Variants in SDC1 observed in about 807,000 individuals in gnomAD.
SDC1 encodes syndecan-1.
In SDC1, 14 loss-of-function variants were observed where a neutral mutation model predicts 29.7. That is an observed-to-expected ratio of 0.47 (90% confidence interval 0.31 to 0.74). The LOEUF is 0.74. SDC1 is among the 30% of genes least tolerant of loss of function. The pLI is 0.05. For missense variants in SDC1, 406 were observed against 400.3 expected (o/e 1.01, Z -0.12); for synonymous variants, 204 against 175.5 (o/e 1.16, Z -1.29).
chr2:20,224,094 C>T lies in SDC1; in HGVS notation c.66+708G>A. The T allele has an allele frequency of 5.4e-6, 2 of 370,586 alleles. No individual in the cohort carries two copies. The highest frequency in any genetic ancestry group is 1.1e-5 in the Non-Finnish European group (2 of 182,080). The allele number at this position is 370,586 out of a possible 1,614,324, so 23.0% of individuals were successfully genotyped here. On this transcript the variant is annotated intron_variant, in intron 1 of 4. Transcript: ENST00000254351. The surrounding 1 kb of genome is among the most constrained non-coding windows in gnomAD (Gnocchi z 4.9). ...ACGGGAACGCGCCCTCCGGGGCCAG[C>T]TCAACTTCAGCAGCCCAGAAGTTGG...
In SDC1 at chr2:20,224,579, C is replaced by A. The variant is rs976291411; in HGVS notation, c.66+223G>T. ...ATAATTGAGCGCGGGGCCCCGGCCCCCCACCCTCCCCAGCGCGGGACCGGT... is the reference window on the plus strand; with the variant it reads ...ATAATTGAGCGCGGGGCCCCGGCCCACCACCCTCCCCAGCGCGGGACCGGT... On this transcript the variant is annotated intron_variant, in intron 1 of 4. Transcript: ENST00000254351. This position sits in a 1 kb window ranked among gnomAD's most constrained non-coding sequence, Gnocchi z 4.9. 3.3e-5 allele frequency among the ~76,000 whole-genome samples: 5 copies of A among 151,820 alleles called. No homozygotes were observed. Among genetic ancestry groups the A allele is most frequent in the African/African-American group, 1.2e-4 (5 of 41,398 alleles).
chr2:20,221,124 G>A (rs991998202), intron 1 of SDC1, among the ~76,000 whole-genome samples: 2 of 152,194 alleles, frequency 1.3e-5, no homozygotes, highest in African/African-American at 4.8e-5. Flanking sequence ...AGGTAGAGGG[G>A]AGACTGCAAC....
intron 1 of SDC1, chr2:20,223,400 GTGCCCACCCCGCCCCCGCCCCTTCCC>G: frequency 2.8e-6 from 2 of 709,166 alleles, no homozygotes; most frequent in Admixed American, 2.6e-5. Context: ...GAGAACCCGA[GTGCCCACCCCGCCCCCGCCCCTTCCC>G]TGCCCACGTG....
chr2:20,213,275 C>A (rs556216907), intron 1 of SDC1, among the ~76,000 whole-genome samples: 2 of 152,330 alleles, frequency 1.3e-5, no homozygotes, highest in East Asian at 3.9e-4. Context: ...CTCTGCTTTC[C>A]CCCCCTGGCA....
intron 1 of SDC1, among the ~76,000 whole-genome samples, chr2:20,219,520 T>G (rs1169971906): frequency 6.6e-6 from 1 of 152,168 alleles, no homozygotes; most frequent in East Asian, 1.9e-4. Flanking sequence ...CATACCTCCT[T>G]GTGGTGAGGG....
In SDC1 at chr2:20,202,707, G is replaced by A. The variant is rs953218653; in HGVS notation, c.*59C>T. On this transcript the variant is annotated 3_prime_UTR_variant, in exon 5 of 5. Coordinates refer to ENST00000254351, the MANE Select transcript of SDC1 (RefSeq NM_002997.5). Reference sequence around the variant, plus strand: ...GAGGCCAGGGCCTGCAGTTCTTCAAGGAAGAGGCAAGTGGGGGCCTAGTGA... The same window carrying A: ...GAGGCCAGGGCCTGCAGTTCTTCAAAGAAGAGGCAAGTGGGGGCCTAGTGA... 6 of 1,503,488 alleles carry A rather than the reference G, an allele frequency of 4.0e-6. No homozygotes were observed. The highest frequency in any genetic ancestry group is 5.4e-6 in the Non-Finnish European group (6 of 1,113,922). The allele number at this position is 1,503,488 out of a possible 1,614,324, so 93.1% of individuals were successfully genotyped here.
intron 1 of SDC1, among the ~76,000 whole-genome samples, chr2:20,214,405 T>C (rs1677569983): frequency 6.6e-6 from 1 of 151,938 alleles, no homozygotes; most frequent in African/African-American, 2.4e-5. Flanking sequence ...CCCTTCTGGT[T>C]TGGGGGATGG....
chr2:20,202,652 G>T lies in SDC1; in HGVS notation c.*114C>A. On this transcript the variant is annotated 3_prime_UTR_variant, in exon 5 of 5. Coordinates refer to ENST00000254351, the MANE Select transcript of SDC1 (RefSeq NM_002997.5). ...TGGGCAGGAGCGACCAGAGGGGCTG[G>T]AATGCTGGGGAGGTGGCCTGGTGGC... 1 of 1,035,440 alleles carries T rather than the reference G, an allele frequency of 9.7e-7. No individual in the cohort carries two copies. Among genetic ancestry groups the T allele is most frequent in the Non-Finnish European group, 1.4e-6 (1 of 700,732 alleles). 64.1% of individuals were successfully genotyped at this position (1,035,440 alleles called of 1,614,324 possible).
chr2:20,208,939 T>C (rs1178463527), intron 1 of SDC1, among the ~76,000 whole-genome samples: 1 of 152,184 alleles, frequency 6.6e-6, no homozygotes, highest in Non-Finnish European at 1.5e-5. Context: ...GCCTTGCCCC[T>C]TCCCCACCCA....
chr2:20,224,930 G>C lies in SDC1; in HGVS notation c.-63C>G. Reference sequence around the variant, plus strand: ...CGGGTCGCGGCTGCGGGCCGGCTTCGCGGGTTCCGCTGCTCGATGCTCTCT... The same window carrying C: ...CGGGTCGCGGCTGCGGGCCGGCTTCCCGGGTTCCGCTGCTCGATGCTCTCT... On this transcript the variant is annotated 5_prime_UTR_variant, in exon 1 of 5. Coordinates refer to ENST00000254351, the MANE Select transcript of SDC1 (RefSeq NM_002997.5). This position sits in a 1 kb window ranked among gnomAD's most constrained non-coding sequence, Gnocchi z 4.9. 8.3e-7 allele frequency: 1 copy of C among 1,201,138 alleles called. No individual in the cohort carries two copies. Among genetic ancestry groups the C allele is most frequent in the Middle Eastern group, 3.3e-4 (1 of 3,020 alleles). 74.4% of individuals were successfully genotyped at this position (1,201,138 alleles called of 1,614,324 possible).
chr2:20,217,530 A>G (rs926798070), intron 1 of SDC1, among the ~76,000 whole-genome samples: 2 of 152,012 alleles, frequency 1.3e-5, no homozygotes, highest in African/African-American at 4.8e-5. Flanking sequence ...CCTTCCCCCT[A>G]TGTCACAGAT....
intron 1 of SDC1, among the ~76,000 whole-genome samples, chr2:20,218,632 AAC>A: frequency 6.9e-6 from 1 of 145,390 alleles, no homozygotes; most frequent in African/African-American, 2.7e-5. Flanking sequence ...CAGACACATA[AAC>A]ACACAGACAC....
intron 1 of SDC1, among the ~76,000 whole-genome samples, chr2:20,213,780 G>T (rs1677546361): frequency 6.6e-6 from 1 of 152,200 alleles, no homozygotes; most frequent in Non-Finnish European, 1.5e-5. Context: ...GGACTTCTAG[G>T]GACATCCTCC....
intron 1 of SDC1, among the ~76,000 whole-genome samples, chr2:20,218,113 C>A (rs1458386167): frequency 6.6e-6 from 1 of 152,236 alleles, no homozygotes. Context: ...AGGATAAGGT[C>A]TCTCTGTAAC....
At chr2:20,223,684 C>T (rs1410499163) in intron 1 of SDC1, among the ~76,000 whole-genome samples, 1 of 152,194 alleles carries the variant, frequency 6.6e-6, no homozygotes, top group Non-Finnish European at 1.5e-5. Flanking sequence ...AGGTCCCAGC[C>T]CCCGTCAAGG....
chr2:20,222,132 C>T (rs1252532849), intron 1 of SDC1, among the ~76,000 whole-genome samples: 1 of 151,970 alleles, frequency 6.6e-6, no homozygotes, highest in Non-Finnish European at 1.5e-5. Context: ...GAGAGAGAAA[C>T]CTTTTTAGAC....
chr2:20,203,751 GCCAAGTGCCAGGCATTA>G (rs1677130329), intron 3 of SDC1, 45 bp downstream of exon 3: 12 of 1,236,312 alleles, frequency 9.7e-6, no homozygotes, highest in Non-Finnish European at 1.4e-5. Flanking sequence ...TGTAGGGCCT[GCCAAGTGCCAGGCATTA>G]GGACCAACCC....
chr2:20,205,274 G>T, intron 2 of SDC1, 69 bp downstream of exon 2: 2 of 1,187,766 alleles, frequency 1.7e-6, no homozygotes, highest in Non-Finnish European at 2.5e-6. Context: ...ACAGGAGACT[G>T]CCTGACCACT....
At position 20,225,019 on chromosome 2, in the gene SDC1, G is replaced by T. The variant is rs1000799381; in HGVS notation, c.-152C>A. 1 of 934,930 alleles carries T rather than the reference G, an allele frequency of 1.1e-6. No individual in the cohort carries two copies. The highest frequency in any genetic ancestry group is 1.4e-6 in the Non-Finnish European group (1 of 735,622). 57.9% of individuals were successfully genotyped at this position (934,930 alleles called of 1,614,324 possible). A position where few individuals can be genotyped will look rare whatever the true frequency, so the allele number is the denominator to read the frequency against. ...CTGCAGGGTCCGCCGGCTGGAGTCC[G>T]CTCTCTACTGCCGGATTCCTCTCCG... On this transcript the variant is annotated 5_prime_UTR_variant, in exon 1 of 5. Coordinates refer to ENST00000254351, the MANE Select transcript of SDC1 (RefSeq NM_002997.5).
Sources: allele counts gnomAD v4.1 joint callset (sites outside exome capture counted in the v4.1 genomes callset), GRCh38; gene constraint gnomAD v4.1.1; non-coding constraint Gnocchi (gnomAD v3.1); transcripts MANE v1.5; gene names NCBI Gene and HGNC (gene_info 2026-07-23, HGNC 2026-07-21).